Variants in ATP11B observed in about 807,000 individuals in gnomAD.
ATP11B encodes the protein ATPase phospholipid transporting 11B (putative), also known as phospholipid-transporting ATPase IF.
Under a neutral mutation model 157.8 loss-of-function variants are expected in ATP11B, and 81 were observed. That is an observed-to-expected ratio of 0.51 (90% CI 0.43 to 0.62). ATP11B has a LOEUF of 0.62. ATP11B is among the 20% of genes least tolerant of loss of function. The probability of loss-of-function intolerance (pLI) is 0.00; values close to 1 mark genes in which losing one functional copy is unlikely to be tolerated. For missense variants in ATP11B, 1,165 were observed against 1,402.2 expected (o/e 0.83, Z 2.70); for synonymous variants, 451 against 469.4 (o/e 0.96, Z 0.51).
intron 23 of ATP11B, among the ~76,000 whole-genome samples, chr3:182,886,947 A>G (rs1722834862): frequency 6.6e-6 from 1 of 152,232 alleles, no homozygotes; most frequent in Non-Finnish European, 1.5e-5. Context: ...CTAAGACAAT[A>G]CGACAAGGAA....
chr3:182,798,721 G>C (rs889899679), intron 1 of ATP11B, among the ~76,000 whole-genome samples: 1 of 152,192 alleles, frequency 6.6e-6, no homozygotes, highest in Non-Finnish European at 1.5e-5. Context: ...TCGAAATGTA[G>C]GCACTTGAAG....
chr3:182,798,903 G>A (rs1414686687), intron 1 of ATP11B, among the ~76,000 whole-genome samples: 1 of 152,104 alleles, frequency 6.6e-6, no homozygotes, highest in Non-Finnish European at 1.5e-5. Flanking sequence ...AATGCTACTT[G>A]TTTATTTTTA....
intron 1 of ATP11B, among the ~76,000 whole-genome samples, chr3:182,794,297 T>A (rs1715455041): frequency 6.6e-6 from 1 of 152,178 alleles, no homozygotes; most frequent in African/African-American, 2.4e-5. Flanking sequence ...GCTGTGTTGA[T>A]TCCCGAGGAG....
intron 28 of ATP11B, among the ~76,000 whole-genome samples, chr3:182,907,132 C>A (rs184766336): frequency 5.3e-5 from 8 of 151,804 alleles, no homozygotes; most frequent in Admixed American, 2.0e-4. Flanking sequence ...TTGATGAGAG[C>A]TTGATTTTCT....
intron 8 of ATP11B, 100 bp downstream of exon 8, chr3:182,842,222 C>A: frequency 3.7e-6 from 3 of 814,556 alleles, no homozygotes; most frequent in Non-Finnish European, 6.1e-6. Context: ...AGCAGCCCAT[C>A]ATGGGAAAGG....
chr3:182,867,542 A>G (rs571923797), intron 15 of ATP11B, 98 bp downstream of exon 15: 19 of 533,758 alleles, frequency 3.6e-5, no homozygotes, highest in African/African-American at 3.2e-4. Context: ...AATGTGGCCT[A>G]TATTTTCTGT....
intron 4 of ATP11B, among the ~76,000 whole-genome samples, chr3:182,832,167 C>G (rs1408449294): frequency 6.6e-6 from 1 of 152,028 alleles, no homozygotes; most frequent in Non-Finnish European, 1.5e-5. Context: ...TAATAATTGA[C>G]AATCAGTCTC....
intron 1 of ATP11B, among the ~76,000 whole-genome samples, chr3:182,809,397 C>T (rs9290748): frequency 0.68 from 102,719 of 151,630 alleles, 35,488 homozygotes; most frequent in Non-Finnish European, 0.76. Context: ...TACAGGCATG[C>T]TCCACCACGC....
intron 2 of ATP11B, among the ~76,000 whole-genome samples, chr3:182,825,247 T>C (rs547256525): frequency 6.1e-4 from 93 of 152,362 alleles, no homozygotes; most frequent in African/African-American, 2.1e-3. Context: ...TATGACTGTC[T>C]TGTTAAATTT....
chr3:182,841,995 A>AACAAAGG, intron 7 of ATP11B, 80 bp from the exon 8 acceptor site: 1 of 926,664 alleles, frequency 1.1e-6, no homozygotes, highest in Non-Finnish European at 1.7e-6. Flanking sequence ...AAAAAAAAAA[A>AACAAAGG]AACAAAGGAT....
intron 6 of ATP11B, 74 bp downstream of exon 6, chr3:182,836,544 G>A (rs1030221908): frequency 6.4e-7 from 1 of 1,564,478 alleles, no homozygotes. Context: ...CTTAACTTTG[G>A]TTAAAGTAGT....
chr3:182,905,985 T>C (rs555544762), intron 28 of ATP11B: 1 of 403,730 alleles, frequency 2.5e-6, no homozygotes, highest in African/African-American at 2.0e-5. Context: ...GGGCATGTCA[T>C]GGGACACCTG....
chr3:182,840,737 A>G (rs1451232291), intron 7 of ATP11B, among the ~76,000 whole-genome samples: 1 of 152,082 alleles, frequency 6.6e-6, no homozygotes. Context: ...AACCCATCAG[A>G]ACATTCTGAA....
At chr3:182,832,306 A>C (rs1718212526) in intron 4 of ATP11B, among the ~76,000 whole-genome samples, 1 of 152,148 alleles carries the variant, frequency 6.6e-6, no homozygotes, top group Non-Finnish European at 1.5e-5. Flanking sequence ...CTAAGGCAAA[A>C]GGGGGAAATA....
chr3:182,874,306 T>G (rs1721874328), intron 19 of ATP11B, among the ~76,000 whole-genome samples: 1 of 152,246 alleles, frequency 6.6e-6, no homozygotes, highest in Non-Finnish European at 1.5e-5. Flanking sequence ...ATTGAGTAGT[T>G]GCAGCAGAGA....
chr3:182,906,018 C>G, intron 28 of ATP11B: 2 of 350,580 alleles, frequency 5.7e-6, no homozygotes, highest in East Asian at 1.5e-4. Flanking sequence ...CATTTCTTTA[C>G]TAATTCCTTC....
chr3:182,898,809 G>C, intron 28 of ATP11B, 37 bp downstream of exon 28: 1 of 1,336,702 alleles, frequency 7.5e-7, no homozygotes, highest in Non-Finnish European at 9.9e-7. Context: ...TATCTTTTTA[G>C]TTAGGGATCT....
chr3:182,860,965 A>G (rs1720785853), intron 12 of ATP11B, among the ~76,000 whole-genome samples: 1 of 152,102 alleles, frequency 6.6e-6, no homozygotes. Flanking sequence ...AATGTGATAT[A>G]TGCGTTCCTA....
chr3:182,819,518 G>A (rs1717192166), intron 1 of ATP11B, among the ~76,000 whole-genome samples: 2 of 152,166 alleles, frequency 1.3e-5, no homozygotes, highest in Admixed American at 1.3e-4. Flanking sequence ...TTCTACCAGA[G>A]GTGATTACTA....
Sources: gnomAD v4.1 joint callset for allele counts (sites outside exome capture counted in the v4.1 genomes callset) on GRCh38, gnomAD v4.1.1 for gene constraint, MANE v1.5 for transcripts, NCBI Gene and HGNC (gene_info 2026-07-23, HGNC 2026-07-21) for gene names.